Variants in PROSER2 observed in about 807,000 individuals in gnomAD.
PROSER2 encodes proline and serine rich 2.
In PROSER2, 18 loss-of-function variants were observed where a neutral mutation model predicts 14.6. The observed-to-expected ratio is 1.23, with a 90% CI of 0.85 to 1.83. The LOEUF (loss-of-function observed/expected upper bound fraction) is 1.83, where lower values mean the gene tolerates loss of function less well. Ranked by LOEUF, PROSER2 falls within the 40% of genes most tolerant of loss-of-function variation. The pLI is 0.00. For missense variants in PROSER2, 823 were observed against 629.8 expected, an observed-to-expected ratio of 1.31 and a Z score of -3.28; for synonymous variants, 367 against 286.4, an observed-to-expected ratio of 1.28 and a Z score of -2.84.
chr10:11,846,168 G>A (rs1339716754), intron 1 of PROSER2, among the ~76,000 whole-genome samples: 2 of 152,042 alleles, frequency 1.3e-5, no homozygotes, highest in Non-Finnish European at 2.9e-5. Flanking sequence ...TGTATTTTTA[G>A]TAGAGACGGG....
intron 3 of PROSER2, among the ~76,000 whole-genome samples, chr10:11,868,349 C>T (rs1404506555): frequency 6.6e-6 from 1 of 152,218 alleles, no homozygotes; most frequent in Non-Finnish European, 1.5e-5. Flanking sequence ...AGTCCTGGCT[C>T]ACTGCACCCT....
Position 11,847,067 on chromosome 10 carries a change from C to T in PROSER2, c.-81-4930C>T, listed in dbSNP as rs1446491173. 2.0e-5 allele frequency among the ~76,000 whole-genome samples: 3 copies of T among 151,400 alleles called. No homozygotes were observed. In the East Asian group the frequency reaches 5.8e-4, roughly 29 times the overall value. ...ACTCCCAGCCTGTCCAGGGTTTTAC[C>T]TTCTCTTTTCCCCAACTTTTTCCCA... On this transcript the variant is annotated intron_variant, in intron 1 of 3. Coordinates refer to ENST00000277570, the MANE Select transcript of PROSER2 (RefSeq NM_153256.4).
chr10:11,839,690 T>TG (rs1342087745), intron 1 of PROSER2, among the ~76,000 whole-genome samples: 12 of 151,280 alleles, frequency 7.9e-5, no homozygotes, highest in Admixed American at 3.3e-4. Flanking sequence ...CTAGATGTGG[T>TG]GGGGGGCACC....
At chr10:11,848,940 G>C (rs997432893) in intron 1 of PROSER2, among the ~76,000 whole-genome samples, 1 of 152,170 alleles carries the variant, frequency 6.6e-6, no homozygotes, top group Non-Finnish European at 1.5e-5. Flanking sequence ...TGTAATCCCA[G>C]CACTTTGGGA....
At chr10:11,845,054 T>C (rs72768234) in intron 1 of PROSER2, among the ~76,000 whole-genome samples, 15,687 of 152,204 alleles carry the variant, frequency 0.1, 1,065 homozygotes, top group Non-Finnish European at 0.15. Flanking sequence ...TGAATAACAT[T>C]ATAAGGTTGG....
At chr10:11,855,340 G>A (rs1483872895) in intron 2 of PROSER2, among the ~76,000 whole-genome samples, 1 of 151,722 alleles carries the variant, frequency 6.6e-6, no homozygotes, top group Non-Finnish European at 1.5e-5. Context: ...TGGGCGTGTT[G>A]GCGGGCGCCT....
rs772696549 is a variant in PROSER2 at position 11,871,635 on chromosome 10, T to G, written c.*1229T>G. On this transcript the variant is annotated 3_prime_UTR_variant, in exon 4 of 4. Transcript: ENST00000277570. ...GAAAAGAACCGGTTTCCTCCCAGAC[T>G]ATGTCTTACACGCTGAGTTATGCCA... 1 of 152,126 alleles carries G rather than the reference T, an allele frequency of 6.6e-6. No homozygotes were observed. The highest frequency in any genetic ancestry group is 1.5e-5 in the Non-Finnish European group (1 of 68,034). The allele number at this position is 152,126 out of a possible 1,614,324, so 9.4% of individuals were successfully genotyped here. A position where few individuals can be genotyped will look rare whatever the true frequency, so the allele number is the denominator to read the frequency against.
At position 11,830,222 on chromosome 10, in the gene PROSER2, ACT is replaced by A. The variant is rs1163185634; in HGVS notation, c.-82+6755_-82+6756del. On this transcript the variant is annotated intron_variant, in intron 1 of 3. Transcript: ENST00000277570. The surrounding 1 kb of genome is among the most constrained non-coding windows in gnomAD (Gnocchi z 4.5). Reference sequence around the variant, plus strand: ...TGGAGTCTCCCGTGTCCATTATTTCACTCTGTGCATTTATGTGGACCCATCGT... The same window carrying A: ...TGGAGTCTCCCGTGTCCATTATTTCACTGTGCATTTATGTGGACCCATCGT... Among the ~76,000 whole-genome samples the A allele has an allele frequency of 1.3e-5, 2 of 151,220 alleles. No individual in the cohort carries two copies. The highest frequency in any genetic ancestry group is 2.9e-5 in the Non-Finnish European group (2 of 67,810).
At position 11,865,234 on chromosome 10, in the gene PROSER2, A is replaced by T. The variant is rs1223317111; in HGVS notation, c.139-1297A>T. Among the ~76,000 whole-genome samples, 13 of 148,930 alleles carry T rather than the reference A, an allele frequency of 8.7e-5. No homozygotes were observed. The highest frequency in any genetic ancestry group is 3.0e-4 in the African/African-American group (12 of 40,184). On this transcript the variant is annotated intron_variant, in intron 2 of 3. Transcript: ENST00000277570. This position sits in a 1 kb window ranked among gnomAD's most constrained non-coding sequence, Gnocchi z 4.2. ...CATAGTTTTCTGATTTTACAACTTTATCTTTTAGGCTTTTATTTAGTTTTT... is the reference window on the plus strand; with the variant it reads ...CATAGTTTTCTGATTTTACAACTTTTTCTTTTAGGCTTTTATTTAGTTTTT...
intron 1 of PROSER2, among the ~76,000 whole-genome samples, chr10:11,849,386 T>C (rs1235638633): frequency 6.6e-6 from 1 of 152,082 alleles, no homozygotes; most frequent in African/African-American, 2.4e-5. Context: ...CCCATAAATA[T>C]ATTCTGTAGG....
chr10:11,835,137 G>T (rs1373889928), intron 1 of PROSER2, among the ~76,000 whole-genome samples: 1 of 151,106 alleles, frequency 6.6e-6, no homozygotes, highest in Non-Finnish European at 1.5e-5. Flanking sequence ...AAAAGAAAAA[G>T]AAGTGTTAGT....
At chr10:11,852,344 C>G in intron 2 of PROSER2, 129 bp downstream of exon 2, 1 of 1,004,716 alleles carries the variant, frequency 1.0e-6, no homozygotes, top group Non-Finnish European at 1.4e-6. Context: ...TGGAATACTT[C>G]TTTGTGAAGT....
intron 2 of PROSER2, among the ~76,000 whole-genome samples, chr10:11,857,949 C>T (rs999413302): frequency 1.3e-5 from 2 of 151,816 alleles, no homozygotes; most frequent in African/African-American, 4.8e-5. Flanking sequence ...TTTTTTCCCC[C>T]CCAAGATGGA....
chr10:11,867,984 G>A (rs190544182), intron 3 of PROSER2, among the ~76,000 whole-genome samples: 17 of 152,292 alleles, frequency 1.1e-4, no homozygotes, highest in South Asian at 2.1e-4. Context: ...GTGTGTACAC[G>A]TGTGTACACA....
At chr10:11,827,415 G>C (rs993807968) in intron 1 of PROSER2, among the ~76,000 whole-genome samples, 18 of 151,980 alleles carry the variant, frequency 1.2e-4, no homozygotes, top group Admixed American at 8.5e-4. Flanking sequence ...ATTTGTATAG[G>C]GCTCGGTTTG....
intron 2 of PROSER2, among the ~76,000 whole-genome samples, chr10:11,855,913 C>T (rs953072034): frequency 2.6e-5 from 4 of 152,118 alleles, no homozygotes; most frequent in Non-Finnish European, 5.9e-5. Context: ...TTTTATTTCT[C>T]AAGAGGCTAG....
chr10:11,855,183 A>G (rs1187758960), intron 2 of PROSER2, among the ~76,000 whole-genome samples: 1 of 150,834 alleles, frequency 6.6e-6, no homozygotes, highest in South Asian at 2.1e-4. Flanking sequence ...TATTCTTAAA[A>G]GAAGATAAGG....
At position 11,871,789 on chromosome 10, in the gene PROSER2, C is replaced by T. The variant is rs942689515; in HGVS notation, c.*1383C>T. On this transcript the variant is annotated 3_prime_UTR_variant, in exon 4 of 4. Coordinates refer to ENST00000277570, the MANE Select transcript of PROSER2 (RefSeq NM_153256.4). ...GCCAGCGCCGTAACAGAGCCTGTTT[C>T]TTTCCCGTTGAGTATTACTTAAATT... The T allele has an allele frequency of 6.6e-6, 1 of 152,236 alleles. No homozygotes were observed. The highest frequency in any genetic ancestry group is 1.9e-4 in the East Asian group (1 of 5,206). 9.4% of individuals were successfully genotyped at this position (152,236 alleles called of 1,614,324 possible).
chr10:11,826,462 A>G (rs766078680), intron 1 of PROSER2, among the ~76,000 whole-genome samples: 4 of 152,240 alleles, frequency 2.6e-5, no homozygotes, highest in Admixed American at 6.5e-5. Context: ...ACTGTTTTCT[A>G]TAGCAGCTGT....
Sources: allele counts gnomAD v4.1 joint callset (sites outside exome capture counted in the v4.1 genomes callset), GRCh38; gene constraint gnomAD v4.1.1; non-coding constraint Gnocchi (gnomAD v3.1); transcripts MANE v1.5; gene names NCBI Gene and HGNC (gene_info 2026-07-23, HGNC 2026-07-21).